The following RAB8B variants were observed in gnomAD, a reference collection of about 807,000 sequenced individuals.
The protein encoded by RAB8B is ras-related protein Rab-8B.
A neutral mutation model predicts 32.0 loss-of-function variants in RAB8B; 11 were observed. The observed-to-expected ratio is 0.34, with a 90% CI of 0.22 to 0.57. The LOEUF is 0.57. RAB8B is among the 20% of genes least tolerant of loss of function. The pLI, the probability that RAB8B is intolerant of heterozygous loss-of-function variation, is 0.86. For missense variants in RAB8B, 190 were observed against 258.5 expected, an observed-to-expected ratio of 0.73 and a Z score of 1.82; for synonymous variants, 103 against 89.6, an observed-to-expected ratio of 1.15 and a Z score of -0.85.
At chr15:63,208,226 A>G (rs1022680851) in intron 1 of RAB8B, among the ~76,000 whole-genome samples, 1 of 152,154 alleles carries the variant, frequency 6.6e-6, no homozygotes, top group African/African-American at 2.4e-5. Flanking sequence ...ACTCTAACCC[A>G]GGGACCCTCA....
rs1410993080 is a variant in RAB8B at position 63,248,115 on chromosome 15, C to T, written c.186-1530C>T. ...TTAGCGGTGCAGCAAACAAGTGCCC[C>T]ATGCATCTAATGCCGATCAAAGAAA... is the stretch of plus-strand genomic sequence containing the variant. On this transcript the variant is annotated intron_variant, in intron 2 of 7. Coordinates refer to ENST00000321437, the MANE Select transcript of RAB8B (RefSeq NM_016530.3). This position sits in a 1 kb window ranked among gnomAD's most constrained non-coding sequence, Gnocchi z 4.4. Among the ~76,000 whole-genome samples the T allele has an allele frequency of 6.6e-6, 1 of 152,212 alleles. No individual in the cohort carries two copies. Among genetic ancestry groups the T allele is most frequent in the African/African-American group, 2.4e-5 (1 of 41,458 alleles).
At chr15:63,262,386 C>T (rs1350547130) in intron 6 of RAB8B, among the ~76,000 whole-genome samples, 4 of 152,076 alleles carry the variant, frequency 2.6e-5, no homozygotes, top group Non-Finnish European at 2.9e-5. Context: ...TAAACACATG[C>T]ATACTATGAT....
intron 1 of RAB8B, among the ~76,000 whole-genome samples, chr15:63,204,772 T>C (rs1014830132): frequency 1.3e-5 from 2 of 152,246 alleles, no homozygotes; most frequent in African/African-American, 4.8e-5. Flanking sequence ...TTAGTTTCTT[T>C]TTCATCTTTA....
At chr15:63,216,357 TATC>T (rs1471641073) in intron 1 of RAB8B, among the ~76,000 whole-genome samples, 1 of 150,984 alleles carries the variant, frequency 6.6e-6, no homozygotes, top group Non-Finnish European at 1.5e-5. Flanking sequence ...ACCTCCCAAG[TATC>T]TGGGACTACA....
intron 1 of RAB8B, among the ~76,000 whole-genome samples, chr15:63,210,527 C>T (rs2037738133): frequency 6.6e-6 from 1 of 152,252 alleles, no homozygotes; most frequent in East Asian, 1.9e-4. Flanking sequence ...CTGCTGTCTG[C>T]ACAAGGGAAC....
chr15:63,219,129 T>A (rs2037820370), intron 1 of RAB8B, among the ~76,000 whole-genome samples: 1 of 144,998 alleles, frequency 6.9e-6, no homozygotes, highest in African/African-American at 2.5e-5. Flanking sequence ...TGAAACCCCG[T>A]CTCCACTAAA....
chr15:63,264,083 A>G lies in RAB8B; in HGVS notation c.*464A>G, dbSNP rs189400496. On this transcript the variant is annotated 3_prime_UTR_variant, in exon 8 of 8. Transcript: ENST00000321437. ...GTATTTGGTCTGGTTCATATGGTCA[A>G]ATATTACTGCCTTGGTAGCATTTAT... 3 of 153,564 alleles carry G rather than the reference A, an allele frequency of 2.0e-5. No homozygotes were observed. The East Asian group carries it at 5.8e-4, about 30-fold the overall frequency. 9.5% of individuals were successfully genotyped at this position (153,564 alleles called of 1,614,324 possible).
At chr15:63,211,528 T>C (rs756406305) in intron 1 of RAB8B, among the ~76,000 whole-genome samples, 3 of 152,222 alleles carry the variant, frequency 2.0e-5, no homozygotes, top group Admixed American at 6.5e-5. Flanking sequence ...GAGCCATAGT[T>C]TGATATTTCC....
chr15:63,214,286 C>CTTT (rs34415858), intron 1 of RAB8B, among the ~76,000 whole-genome samples: 1,813 of 95,450 alleles, frequency 0.019, 131 homozygotes, highest in East Asian at 0.13. Flanking sequence ...CAGTTTCTTT[C>CTTT]TTTTTTTTTT....
rs767460629 is a variant in RAB8B, at chr15:63,189,613, C to T, written c.-12C>T. On this transcript the variant is annotated 5_prime_UTR_variant, in exon 1 of 8. Transcript: ENST00000321437. ...TCCTCTGGCTCCCCGGTCAGAGGGC[C>T]GGAGCGAGAAGATGGCGAAGACGTA... 1.1e-5 allele frequency: 17 copies of T among 1,613,030 alleles called. No homozygotes were observed. The highest frequency in any genetic ancestry group is 1.3e-5 in the Non-Finnish European group (15 of 1,179,620).
intron 5 of RAB8B, 49 bp downstream of exon 5, chr15:63,256,643 A>G (rs745354999): frequency 1.5e-6 from 2 of 1,300,314 alleles, no homozygotes; most frequent in African/African-American, 1.5e-5. Context: ...CACATTAAGC[A>G]TTTCTTTTCT....
intron 1 of RAB8B, among the ~76,000 whole-genome samples, chr15:63,192,714 T>A (rs774118919): frequency 1.3e-5 from 2 of 152,222 alleles, no homozygotes; most frequent in Non-Finnish European, 2.9e-5. Context: ...TTGATAGGGG[T>A]TCTGTCATCA....
intron 5 of RAB8B, among the ~76,000 whole-genome samples, chr15:63,257,120 G>A (rs1403958539): frequency 1.3e-5 from 2 of 152,042 alleles, no homozygotes; most frequent in Non-Finnish European, 2.9e-5. Flanking sequence ...TCTCTTTTGT[G>A]TCCTGTAAAG....
chr15:63,243,791 A>G (rs761135257), intron 1 of RAB8B, among the ~76,000 whole-genome samples: 1 of 152,054 alleles, frequency 6.6e-6, no homozygotes, highest in Admixed American at 6.5e-5. Context: ...CTGAAACTGC[A>G]TAGTTTATAA....
chr15:63,244,421 T>C (rs917589787), intron 1 of RAB8B, among the ~76,000 whole-genome samples: 3 of 152,138 alleles, frequency 2.0e-5, no homozygotes, highest in Admixed American at 6.5e-5. Flanking sequence ...GAGGAGTAGA[T>C]AGGAAGCATT....
intron 2 of RAB8B, among the ~76,000 whole-genome samples, chr15:63,246,062 C>T (rs943348510): frequency 3.3e-5 from 5 of 152,030 alleles, no homozygotes; most frequent in South Asian, 2.1e-4. Flanking sequence ...TCAGTAGAAA[C>T]GGGGTTTCTC....
At chr15:63,210,831 A>G (rs1411637151) in intron 1 of RAB8B, among the ~76,000 whole-genome samples, 1 of 152,144 alleles carries the variant, frequency 6.6e-6, no homozygotes, top group Non-Finnish European at 1.5e-5. Context: ...GCTGGTATGC[A>G]AATAAAAGAT....
chr15:63,218,956 T>C (rs2037816386), intron 1 of RAB8B, among the ~76,000 whole-genome samples: 1 of 149,150 alleles, frequency 6.7e-6, no homozygotes, highest in African/African-American at 2.4e-5. Flanking sequence ...CATTTTTCTC[T>C]CTCTCACTAA....
At chr15:63,189,921 G>GGAGAGGGGCGAGGGCGTGAGT (rs2037540045) in intron 1 of RAB8B, among the ~76,000 whole-genome samples, 173 bp downstream of exon 1, 1 of 151,526 alleles carries the variant, frequency 6.6e-6, no homozygotes, top group Non-Finnish European at 1.5e-5. Flanking sequence ...AGGGCGTGAG[G>GGAGAGGGGCGAGGGCGTGAGT]GAGAGAGGCG....
Sources: allele counts gnomAD v4.1 joint callset (sites outside exome capture counted in the v4.1 genomes callset), GRCh38; gene constraint gnomAD v4.1.1; non-coding constraint Gnocchi (gnomAD v3.1); transcripts MANE v1.5; gene names NCBI Gene and HGNC (gene_info 2026-07-23, HGNC 2026-07-21).